TAX1BP1: variants seen among roughly 807,000 people sequenced by gnomAD.
TAX1BP1 encodes the protein tax1-binding protein 1.
A neutral mutation model predicts 97.7 loss-of-function variants in TAX1BP1; 62 were observed. The ratio of observed to expected loss-of-function variants is 0.63; its 90% CI spans 0.52 to 0.78. The LOEUF (loss-of-function observed/expected upper bound fraction) is 0.78, where lower values mean the gene tolerates loss of function less well. Ranked by LOEUF, TAX1BP1 falls within the 30% of genes least tolerant of loss-of-function variation. The pLI is 0.00. For synonymous variants in TAX1BP1, 340 were observed against 304.2 expected (o/e 1.12, Z -1.23); for missense variants, 867 against 916.1 (o/e 0.95, Z 0.69).
chr7:27,781,677 A>G (rs573275745), intron 5 of TAX1BP1, among the ~76,000 whole-genome samples: 2 of 152,214 alleles, frequency 1.3e-5, no homozygotes, highest in South Asian at 4.2e-4. Flanking sequence ...TAGATTTTAT[A>G]AATATTGTAT....
At chr7:27,828,248 C>T (rs575825831) in intron 16 of TAX1BP1, among the ~76,000 whole-genome samples, 39 of 152,200 alleles carry the variant, frequency 2.6e-4, no homozygotes, top group Non-Finnish European at 5.1e-4. Context: ...AAAAACTTTG[C>T]TATTAAACCA....
chr7:27,750,403 C>T (rs1044459193), intron 2 of TAX1BP1, among the ~76,000 whole-genome samples: 3 of 152,194 alleles, frequency 2.0e-5, no homozygotes, highest in Non-Finnish European at 4.4e-5. Context: ...ACTCCAAAAT[C>T]TGACAGATTT....
intron 3 of TAX1BP1, among the ~76,000 whole-genome samples, chr7:27,761,964 G>A (rs1398140330): frequency 6.6e-6 from 1 of 152,278 alleles, no homozygotes; most frequent in East Asian, 1.9e-4. Context: ...GAGAGTTCCT[G>A]TTGCTCCACA....
chr7:27,793,152 A>C lies in TAX1BP1; in HGVS notation c.1350A>C (p.Lys450Asn). The change falls in exon 10 of 17, where the codon AAA becomes AAC. Residue 450 changes from lysine to asparagine, a missense_variant. Physicochemically the swap from Lys to Asn is moderately conservative, Grantham distance 94 (BLOSUM62 0). Coordinates refer to ENST00000396319, the MANE Select transcript of TAX1BP1 (RefSeq NM_006024.7). ...TTCAGATGGCTGCAGACCATTATAA[A>C]GAAAAATTTAAGGAATGCCAAAGGC... ...LRLQMAADHY[K>N]EKFKECQRLQ... The C allele has an allele frequency of 6.3e-7, 1 of 1,596,868 alleles. No homozygotes were observed. Among genetic ancestry groups the C allele is most frequent in the Non-Finnish European group, 8.5e-7 (1 of 1,176,296 alleles).
intron 13 of TAX1BP1, among the ~76,000 whole-genome samples, chr7:27,814,107 T>C (rs552768193): frequency 1.3e-5 from 2 of 151,582 alleles, no homozygotes; most frequent in Admixed American, 6.6e-5. Context: ...TTTTTTTTTT[T>C]TTCTTTTTTT....
intron 1 of TAX1BP1, among the ~76,000 whole-genome samples, chr7:27,745,605 A>C (rs1366743448): frequency 6.6e-6 from 1 of 152,202 alleles, no homozygotes; most frequent in Non-Finnish European, 1.5e-5. Context: ...AGTGTTGGAG[A>C]GAGATTAATG....
At chr7:27,754,189 G>T (rs1788123787) in intron 2 of TAX1BP1, among the ~76,000 whole-genome samples, 1 of 152,028 alleles carries the variant, frequency 6.6e-6, no homozygotes, top group Admixed American at 6.6e-5. Flanking sequence ...ATTAGAAGGT[G>T]GATCCAAACA....
chr7:27,779,067 A>T (rs573504234), intron 5 of TAX1BP1, among the ~76,000 whole-genome samples: 159 of 151,934 alleles, frequency 1.0e-3, no homozygotes, highest in African/African-American at 3.6e-3. Context: ...CCTTTTTTTT[A>T]ATATTTGTTT....
Position 27,785,145 on chromosome 7 carries a change from C to A in TAX1BP1, c.613-18C>A. 6.3e-7 allele frequency: 1 copy of A among 1,585,416 alleles called. No homozygotes were observed. The highest frequency in any genetic ancestry group is 8.5e-7 in the Non-Finnish European group (1 of 1,170,792). ...ATGTTTCTGTGTTTTCTCAAAATAC[C>A]TTGTTGTCACTTCTCAGGGTCTTAC... On this transcript the variant is annotated intron_variant, in intron 5 of 16. Coordinates refer to ENST00000396319, the MANE Select transcript of TAX1BP1 (RefSeq NM_006024.7).
At chr7:27,743,763 C>G (rs1316154810) in intron 1 of TAX1BP1, among the ~76,000 whole-genome samples, 1 of 41,330 alleles carries the variant, frequency 2.4e-5, no homozygotes, top group Non-Finnish European at 4.5e-5. Flanking sequence ...AGTTTAGTAT[C>G]TTTATTTTTT....
intron 10 of TAX1BP1, 145 bp from the exon 11 acceptor site, chr7:27,794,178 G>T: frequency 1.5e-6 from 1 of 652,030 alleles, no homozygotes; most frequent in Non-Finnish European, 2.4e-6. Context: ...TTTAGTCTTT[G>T]TTGGCTTTTA....
chr7:27,746,874 G>A (rs182426256), intron 1 of TAX1BP1, among the ~76,000 whole-genome samples: 2 of 152,066 alleles, frequency 1.3e-5, no homozygotes, highest in Admixed American at 1.3e-4. Context: ...GAAGCAGAGG[G>A]GACACAAGAA....
intron 3 of TAX1BP1, 111 bp downstream of exon 3, chr7:27,758,244 A>G: frequency 1.4e-6 from 1 of 740,190 alleles, no homozygotes; most frequent in Non-Finnish European, 2.2e-6. Context: ...ACCAAAGTTG[A>G]ATTAGTTAGT....
At chr7:27,827,928 C>A in intron 16 of TAX1BP1, 108 bp downstream of exon 16, 1 of 897,260 alleles carries the variant, frequency 1.1e-6, no homozygotes, top group Non-Finnish European at 1.7e-6. Context: ...CCTGGCCTAG[C>A]TGAACCAGAA....
chr7:27,753,606 T>A (rs939453137), intron 2 of TAX1BP1, among the ~76,000 whole-genome samples: 5 of 152,226 alleles, frequency 3.3e-5, no homozygotes, highest in African/African-American at 1.2e-4. Flanking sequence ...TGATAAAGTT[T>A]AATTTATAAA....
At chr7:27,750,702 T>TA (rs1787987584) in intron 2 of TAX1BP1, among the ~76,000 whole-genome samples, 1 of 152,232 alleles carries the variant, frequency 6.6e-6, no homozygotes, top group African/African-American at 2.4e-5. Flanking sequence ...GATGAATTAT[T>TA]ACCTTTTTCC....
intron 12 of TAX1BP1, among the ~76,000 whole-genome samples, chr7:27,797,143 G>T (rs911308973): frequency 6.6e-6 from 1 of 151,528 alleles, no homozygotes; most frequent in Non-Finnish European, 1.5e-5. Context: ...GACTACAGGC[G>T]CCTGCCACCA....
intron 5 of TAX1BP1, among the ~76,000 whole-genome samples, chr7:27,777,625 A>T (rs893893720): frequency 2.6e-5 from 4 of 152,102 alleles, no homozygotes; most frequent in Non-Finnish European, 5.9e-5. Flanking sequence ...CTCCTTGCAG[A>T]TCTCTCGAGT....
At chr7:27,796,767 A>G (rs1423917664) in intron 12 of TAX1BP1, among the ~76,000 whole-genome samples, 1 of 151,984 alleles carries the variant, frequency 6.6e-6, no homozygotes, top group Non-Finnish European at 1.5e-5. Context: ...CTCCTGAGGC[A>G]GGAGAATCAC....
Sources: gnomAD v4.1 joint callset for allele counts (sites outside exome capture counted in the v4.1 genomes callset) on GRCh38, gnomAD v4.1.1 for gene constraint, MANE v1.5 for transcripts, NCBI Gene and HGNC (gene_info 2026-07-23, HGNC 2026-07-21) for gene names.